The following RAPGEF5 variants were observed in gnomAD, a reference collection of about 807,000 sequenced individuals.
RAPGEF5 encodes the protein Rap guanine nucleotide exchange factor 5.
A neutral mutation model predicts 125.2 loss-of-function variants in RAPGEF5; 65 were observed. That is an observed-to-expected ratio of 0.52 (90% CI 0.43 to 0.64). The LOEUF (loss-of-function observed/expected upper bound fraction) is 0.64. Ranked by LOEUF, RAPGEF5 falls within the 30% of genes least tolerant of loss-of-function variation. The pLI is 0.00. For missense variants in RAPGEF5, 958 were observed against 1,048.1 expected, an observed-to-expected ratio of 0.91 and a Z score of 1.19; for synonymous variants, 391 against 385.9, an observed-to-expected ratio of 1.01 and a Z score of -0.16.
At chr7:22,177,542 C>T (rs952987241) in intron 11 of RAPGEF5, among the ~76,000 whole-genome samples, 3 of 152,242 alleles carry the variant, frequency 2.0e-5, no homozygotes, top group African/African-American at 7.2e-5. Flanking sequence ...GTTAAATATA[C>T]TCAAAACAGC....
chr7:22,286,011 C>T (rs1480164701), intron 6 of RAPGEF5, among the ~76,000 whole-genome samples: 3 of 152,166 alleles, frequency 2.0e-5, no homozygotes, highest in Admixed American at 2.0e-4. Flanking sequence ...GTTACATGAT[C>T]CAAGAGTATC....
chr7:22,206,473 G>A (rs1785399035), intron 9 of RAPGEF5, among the ~76,000 whole-genome samples: 1 of 152,122 alleles, frequency 6.6e-6, no homozygotes, highest in Non-Finnish European at 1.5e-5. Flanking sequence ...AGGGTGAGTT[G>A]GGAGGATTTC....
chr7:22,292,255 C>A (rs1782952268), intron 5 of RAPGEF5, among the ~76,000 whole-genome samples: 1 of 152,228 alleles, frequency 6.6e-6, no homozygotes, highest in African/African-American at 2.4e-5. Context: ...AGAAGCAGCT[C>A]TTTAAGAAGG....
At chr7:22,343,817 C>T (rs908483937) in intron 1 of RAPGEF5, among the ~76,000 whole-genome samples, 4 of 152,028 alleles carry the variant, frequency 2.6e-5, no homozygotes, top group African/African-American at 7.2e-5. Context: ...GTTCAATACA[C>T]GGTGACAAAA....
chr7:22,181,785 T>C (rs1784683052), intron 11 of RAPGEF5, among the ~76,000 whole-genome samples: 1 of 152,110 alleles, frequency 6.6e-6, no homozygotes, highest in South Asian at 2.1e-4. Context: ...AAGGTTTCAA[T>C]TGTAGAGTAA....
At chr7:22,298,595 T>C (rs1783122426) in intron 5 of RAPGEF5, 1 of 152,238 alleles carries the variant, frequency 6.6e-6, no homozygotes, top group African/African-American at 2.4e-5. Flanking sequence ...ACATAATTTG[T>C]CTATGGTCAT....
chr7:22,354,606 C>T (rs572625911), intron 1 of RAPGEF5, among the ~76,000 whole-genome samples: 16 of 152,262 alleles, frequency 1.1e-4, no homozygotes, highest in African/African-American at 3.4e-4. Flanking sequence ...CCAAACATGA[C>T]ATTATTTGGA....
At chr7:22,181,275 T>C (rs1321235490) in intron 11 of RAPGEF5, among the ~76,000 whole-genome samples, 5 of 152,182 alleles carry the variant, frequency 3.3e-5, no homozygotes, top group African/African-American at 9.7e-5. Flanking sequence ...CAGTACTACA[T>C]AAATTCTTCT....
intron 20 of RAPGEF5, among the ~76,000 whole-genome samples, 196 bp from the exon 21 acceptor site, chr7:22,140,311 C>T (rs1158604399): frequency 6.6e-6 from 1 of 152,168 alleles, no homozygotes; most frequent in Non-Finnish European, 1.5e-5. Flanking sequence ...TCACTCTTAC[C>T]TAAAGGAAAA....
chr7:22,308,205 G>T, intron 5 of RAPGEF5, 134 bp downstream of exon 5: 1 of 867,924 alleles, frequency 1.2e-6, no homozygotes, highest in Non-Finnish European at 1.6e-6. Context: ...CTTTCTAAAT[G>T]TGCATCTGAA....
At chr7:22,182,906 T>C (rs948866810) in intron 11 of RAPGEF5, among the ~76,000 whole-genome samples, 2 of 152,200 alleles carry the variant, frequency 1.3e-5, no homozygotes, top group African/African-American at 4.8e-5. Context: ...ATTATATAGA[T>C]GTAAGCCAAT....
At chr7:22,237,266 A>G (rs1583505648) in intron 7 of RAPGEF5, among the ~76,000 whole-genome samples, 1 of 151,956 alleles carries the variant, frequency 6.6e-6, no homozygotes, top group Non-Finnish European at 1.5e-5. Flanking sequence ...GCTAACCTAC[A>G]TTATGAGTTC....
intron 8 of RAPGEF5, among the ~76,000 whole-genome samples, chr7:22,227,326 A>G (rs1400941015): frequency 1.3e-5 from 2 of 152,198 alleles, no homozygotes; most frequent in Non-Finnish European, 2.9e-5. Flanking sequence ...ATTAAATAAG[A>G]GCTTTCTTTA....
intron 1 of RAPGEF5, among the ~76,000 whole-genome samples, chr7:22,342,483 G>A (rs377289750): frequency 1.5e-4 from 23 of 152,304 alleles, no homozygotes; most frequent in East Asian, 1.3e-3. Context: ...GCAAATTTCC[G>A]TAGCTGGCTT....
chr7:22,263,344 TA>T (rs1264115595), intron 7 of RAPGEF5, among the ~76,000 whole-genome samples: 1 of 152,236 alleles, frequency 6.6e-6, no homozygotes, highest in Admixed American at 6.5e-5. Context: ...TGTGCAAATC[TA>T]AAGTTATCTC....
chr7:22,305,627 T>C (rs1194320904), intron 5 of RAPGEF5, among the ~76,000 whole-genome samples: 1 of 152,208 alleles, frequency 6.6e-6, no homozygotes, highest in Non-Finnish European at 1.5e-5. Flanking sequence ...TACCCTGTTG[T>C]GCTATCAAAG....
At chr7:22,351,501 A>C (rs1859742) in intron 1 of RAPGEF5, among the ~76,000 whole-genome samples, 19,551 of 152,178 alleles carry the variant, frequency 0.13, 1,424 homozygotes, top group Admixed American at 0.18. Flanking sequence ...AACAGGATAC[A>C]TAGATGCAAA....
intron 8 of RAPGEF5, among the ~76,000 whole-genome samples, chr7:22,228,862 C>T (rs1003401905): frequency 3.3e-5 from 5 of 152,044 alleles, no homozygotes; most frequent in Admixed American, 3.3e-4. Flanking sequence ...GGCAGTGTGG[C>T]CCCAGAGGCA....
intron 18 of RAPGEF5, 106 bp from the exon 19 acceptor site, chr7:22,147,125 T>C: frequency 1.5e-6 from 2 of 1,367,738 alleles, no homozygotes; most frequent in Non-Finnish European, 2.0e-6. Context: ...AAGTAATCTT[T>C]TCTGAGTGCA....
Sources: allele counts gnomAD v4.1 joint callset (sites outside exome capture counted in the v4.1 genomes callset), GRCh38; gene constraint gnomAD v4.1.1; transcripts MANE v1.5; gene names NCBI Gene and HGNC (gene_info 2026-07-23, HGNC 2026-07-21).